Variants in DNAI1 observed in about 807,000 individuals in gnomAD.
DNAI1 encodes dynein, axonemal, intermediate polypeptide 1.
A neutral mutation model predicts 92.0 loss-of-function variants in DNAI1; 67 were observed. The observed-to-expected ratio is 0.73, with a 90% CI of 0.60 to 0.89. The LOEUF is 0.89. DNAI1 is among the 40% of genes least tolerant of loss of function. The pLI, the probability that DNAI1 is intolerant of heterozygous loss-of-function variation, is 0.00. For missense variants in DNAI1, 839 were observed against 866.6 expected (o/e 0.97, Z 0.40); for synonymous variants, 323 against 319.6 (o/e 1.01, Z -0.11).
At chr9:34,481,398 T>G (rs1388436357) in intron 1 of DNAI1, among the ~76,000 whole-genome samples, 1 of 152,214 alleles carries the variant, frequency 6.6e-6, no homozygotes, top group Non-Finnish European at 1.5e-5. Flanking sequence ...GTCCCACTGA[T>G]GCTGAAACTG....
At chr9:34,461,896 A>G (rs928925691) in intron 1 of DNAI1, among the ~76,000 whole-genome samples, 2 of 152,162 alleles carry the variant, frequency 1.3e-5, no homozygotes, top group Non-Finnish European at 2.9e-5. Flanking sequence ...ACACAGGCAG[A>G]AAAAGATAAA....
intron 16 of DNAI1, among the ~76,000 whole-genome samples, chr9:34,513,797 A>G: frequency 6.6e-6 from 1 of 152,018 alleles, no homozygotes; most frequent in East Asian, 1.9e-4. Context: ...CACCCCTCCC[A>G]CTGGCAGCCC....
At chr9:34,489,966 G>C in intron 5 of DNAI1, 46 bp from the exon 6 acceptor site, 8 of 1,607,418 alleles carry the variant, frequency 5.0e-6, no homozygotes, top group Non-Finnish European at 6.8e-6. Context: ...CCACAGATTG[G>C]GAGAGCAGGC....
At chr9:34,500,503 T>C (rs1324888753) in intron 10 of DNAI1, among the ~76,000 whole-genome samples, 1 of 152,190 alleles carries the variant, frequency 6.6e-6, no homozygotes, top group Non-Finnish European at 1.5e-5. Context: ...GGCTAACACA[T>C]AGAGCTTACT....
In DNAI1 at chr9:34,506,695, T is replaced by G. The variant is rs772880156; in HGVS notation, c.1132T>G (p.Tyr378Asp). The change falls in exon 13 of 20, where the codon TAC (tyrosine) becomes GAC (aspartate). Residue 378 changes from tyrosine to aspartate, a missense_variant. Tyr to Asp is a radical substitution (Grantham distance 160). Coordinates refer to ENST00000242317, the MANE Select transcript of DNAI1 (RefSeq NM_012144.4). ...YSLKNPSFPE[Y>D]MFSSNSGVMC... ...CCTGAAGAACCCCAGCTTCCCTGAG[T>G]ACATGTTCAGCAGCAACAGCGGCGT... 38 of 1,614,044 alleles carry G rather than the reference T, an allele frequency of 2.4e-5. No homozygotes were observed. Among genetic ancestry groups the G allele is most frequent in the Non-Finnish European group, 3.1e-5 (36 of 1,180,044 alleles).
intron 1 of DNAI1, among the ~76,000 whole-genome samples, chr9:34,465,847 G>A (rs956626015): frequency 1.7e-4 from 26 of 152,248 alleles, no homozygotes; most frequent in Non-Finnish European, 1.0e-4. Context: ...CAGTCACTGA[G>A]CACTGACAGA....
chr9:34,460,369 A>G (rs1238612243), intron 1 of DNAI1, among the ~76,000 whole-genome samples: 1 of 152,184 alleles, frequency 6.6e-6, no homozygotes, highest in Non-Finnish European at 1.5e-5. Context: ...TACCCCACTC[A>G]AGTCTAGGTA....
intron 19 of DNAI1, among the ~76,000 whole-genome samples, chr9:34,518,663 A>G (rs1431149122): frequency 6.6e-6 from 1 of 152,222 alleles, no homozygotes; most frequent in African/African-American, 2.4e-5. Flanking sequence ...CTGAGGAGAG[A>G]GACCCAGGTT....
chr9:34,497,187 G>T lies in DNAI1; in HGVS notation c.889G>T (p.Asp297Tyr). Residue 297 changes from aspartate (D) to tyrosine (Y), a missense_variant, in exon 10 of 20, where the codon GAC (aspartate) becomes TAC (tyrosine). By Grantham distance (160) the Asp-to-Tyr change is radical (BLOSUM62 -3). Transcript: ENST00000242317. Reference sequence around the variant, plus strand: ...GATGGTCAACCAGAATACATATGATGACATTGCTCAAGGTAAGAGTTGAAG... The same window carrying T: ...GATGGTCAACCAGAATACATATGATTACATTGCTCAAGGTAAGAGTTGAAG... The part of the protein sequence containing the change: ...ERMVNQNTYD[D>Y]IAQDFKYYDD... 1 of 1,613,634 alleles carries T rather than the reference G, an allele frequency of 6.2e-7. No homozygotes were observed. The highest frequency in any genetic ancestry group is 1.1e-5 in the South Asian group (1 of 91,062).
In DNAI1 at chr9:34,493,346, A is replaced by G. The variant is rs1156597822; in HGVS notation, c.816+18A>G. The G allele has an allele frequency of 4.3e-6, 7 of 1,613,932 alleles. No homozygotes were observed. Among genetic ancestry groups the G allele is most frequent in the African/African-American group, 1.3e-5 (1 of 74,946 alleles). ...AGTCTCAGGTTTGGTGTTAGTTCCT[A>G]CAGCTCTGCCACAGAATTTCTGAAT... On this transcript the variant is annotated intron_variant, in intron 9 of 19. Coordinates refer to ENST00000242317, the MANE Select transcript of DNAI1 (RefSeq NM_012144.4).
intron 1 of DNAI1, among the ~76,000 whole-genome samples, chr9:34,479,590 G>C (rs1276249941): frequency 1.3e-5 from 2 of 152,162 alleles, no homozygotes; most frequent in East Asian, 3.8e-4. Context: ...AGCGGTAACT[G>C]GATCTCGTTT....
At chr9:34,515,209 C>T (rs1305770724) in intron 18 of DNAI1, among the ~76,000 whole-genome samples, 2 of 152,182 alleles carry the variant, frequency 1.3e-5, no homozygotes, top group Admixed American at 1.3e-4. Flanking sequence ...TTGGTGAGAG[C>T]TCAGAAACAA....
chr9:34,490,165 C>G (rs1449519999), intron 6 of DNAI1, 41 bp downstream of exon 6: 3 of 1,613,332 alleles, frequency 1.9e-6, no homozygotes, highest in African/African-American at 1.3e-5. Flanking sequence ...TCTTCCAGCT[C>G]AAGCTGTGGA....
intron 9 of DNAI1, 118 bp downstream of exon 9, chr9:34,493,446 T>A: frequency 7.2e-7 from 1 of 1,387,246 alleles, no homozygotes; most frequent in Non-Finnish European, 1.0e-6. Context: ...CAGGGACTAA[T>A]GTTGAGATAT....
intron 17 of DNAI1, 40 bp downstream of exon 17, chr9:34,514,582 T>A (rs1365745092): frequency 6.2e-7 from 1 of 1,614,212 alleles, no homozygotes; most frequent in Admixed American, 1.7e-5. Context: ...GGCCCTCCCC[T>A]GGGCTATGGC....
At chr9:34,460,757 G>T (rs1200955198) in intron 1 of DNAI1, among the ~76,000 whole-genome samples, 1 of 152,146 alleles carries the variant, frequency 6.6e-6, no homozygotes, top group Non-Finnish European at 1.5e-5. Flanking sequence ...CCACCTCCCC[G>T]ATTCAAGGGA....
At chr9:34,485,264 T>C in intron 3 of DNAI1, 24 bp downstream of exon 3, 1 of 1,613,826 alleles carries the variant, frequency 6.2e-7, no homozygotes, top group East Asian at 2.2e-5. Flanking sequence ...CTCTTGTTCT[T>C]GCTCCTTGTA....
At chr9:34,471,447 C>CAAA (rs72230032) in intron 1 of DNAI1, among the ~76,000 whole-genome samples, 1 of 84,002 alleles carries the variant, frequency 1.2e-5, no homozygotes, top group African/African-American at 4.8e-5. Flanking sequence ...ACCACCACCA[C>CAAA]AAAAAAAAAA....
At chr9:34,491,021 G>A (rs1441624046) in intron 7 of DNAI1, among the ~76,000 whole-genome samples, 1 of 152,250 alleles carries the variant, frequency 6.6e-6, no homozygotes, top group African/African-American at 2.4e-5. Flanking sequence ...TTTTGACAGT[G>A]CCTCATCACC....
Sources: allele counts gnomAD v4.1 joint callset (sites outside exome capture counted in the v4.1 genomes callset), GRCh38; gene constraint gnomAD v4.1.1; transcripts MANE v1.5; gene names NCBI Gene and HGNC (gene_info 2026-07-23, HGNC 2026-07-21).